Variants in ADGRB3 observed in about 807,000 individuals in gnomAD.
ADGRB3 encodes the protein adhesion G protein-coupled receptor B3.
A neutral mutation model predicts 193.4 loss-of-function variants in ADGRB3; 37 were observed. The ratio of observed to expected loss-of-function variants is 0.19; its 90% CI spans 0.15 to 0.25. The LOEUF (loss-of-function observed/expected upper bound fraction) is 0.25. Ranked by LOEUF, ADGRB3 falls within the 10% of genes least tolerant of loss-of-function variation. ADGRB3 has a pLI of 1.00. For missense variants in ADGRB3, 1,637 were observed against 1,852.9 expected (o/e 0.88, Z 2.14); for synonymous variants, 690 against 644.2 (o/e 1.07, Z -1.08).
chr6:68,756,542 C>T (rs771813795), intron 3 of ADGRB3, among the ~76,000 whole-genome samples: 8 of 151,934 alleles, frequency 5.3e-5, no homozygotes, highest in South Asian at 2.1e-4. Context: ...GATAAAATGA[C>T]GATGGATTAT....
chr6:69,009,342 G>A (rs761318971), intron 11 of ADGRB3, among the ~76,000 whole-genome samples: 1 of 152,048 alleles, frequency 6.6e-6, no homozygotes, highest in Non-Finnish European at 1.5e-5. Flanking sequence ...GGCCTTTTGA[G>A]GAAATTGCAT....
chr6:69,115,836 G>A (rs930654687), intron 17 of ADGRB3, among the ~76,000 whole-genome samples: 8 of 152,110 alleles, frequency 5.3e-5, no homozygotes, highest in Non-Finnish European at 1.0e-4. Context: ...GCTGGCATAT[G>A]AGTTAAAATA....
rs1562064102 is a variant in ADGRB3, at chr6:68,868,940, T to TGTGA, written c.758-61618_758-61617insTGAG. Among the ~76,000 whole-genome samples, 35 of 150,414 alleles carry TGTGA rather than the reference T, an allele frequency of 2.3e-4. 1 individual carries two copies. The highest frequency in any genetic ancestry group is 2.1e-3 in the Admixed American group (31 of 14,998). ...GTGTGTGTGTGTGTGTGTGTGTGTG[T>TGTGA]GAGTGTGTGTGTTTAAACTTAATCT... On this transcript the variant is annotated intron_variant, in intron 3 of 31. Transcript: ENST00000370598.
At chr6:68,826,960 G>T (rs1648970874) in intron 3 of ADGRB3, among the ~76,000 whole-genome samples, 1 of 152,108 alleles carries the variant, frequency 6.6e-6, no homozygotes, top group South Asian at 2.1e-4. Context: ...CCTAGTGTAG[G>T]TTTCAAACAG....
chr6:69,208,654 C>G (rs1439302181), intron 17 of ADGRB3, among the ~76,000 whole-genome samples: 2 of 152,164 alleles, frequency 1.3e-5, no homozygotes, highest in Non-Finnish European at 2.9e-5. Flanking sequence ...CCTCTGTCAA[C>G]TGATCATAGG....
intron 3 of ADGRB3, among the ~76,000 whole-genome samples, chr6:68,887,382 T>C (rs1384011840): frequency 1.3e-5 from 2 of 152,088 alleles, no homozygotes; most frequent in African/African-American, 2.4e-5. Context: ...TAGGTAAACA[T>C]TATTTTATGT....
intron 12 of ADGRB3, among the ~76,000 whole-genome samples, chr6:69,017,607 A>C (rs1373638554): frequency 6.6e-6 from 1 of 151,918 alleles, no homozygotes; most frequent in East Asian, 1.9e-4. Flanking sequence ...ATGTTGAAAA[A>C]ATCACTTGGA....
Position 68,782,752 on chromosome 6 carries a change from T to A in ADGRB3, c.757+143320T>A, listed in dbSNP as rs562688180. On this transcript the variant is annotated intron_variant, in intron 3 of 31. Transcript: ENST00000370598. ...TGATGAGCATTTTTTCATGTGTTTT[T>A]TGGCTGCATAAATGTCTTCTTTTGA... 2.3e-3 allele frequency among the ~76,000 whole-genome samples: 355 copies of A among 152,302 alleles called. 1 individual carries two copies. Among genetic ancestry groups the A allele is most frequent in the African/African-American group, 8.1e-3 (335 of 41,568 alleles).
chr6:68,858,323 A>G (rs904218394), intron 3 of ADGRB3, among the ~76,000 whole-genome samples: 3 of 151,874 alleles, frequency 2.0e-5, no homozygotes, highest in Admixed American at 6.6e-5. Context: ...GCCAACATAG[A>G]GAAACCCCAT....
intron 26 of ADGRB3, among the ~76,000 whole-genome samples, chr6:69,345,539 C>T (rs1051190644): frequency 1.1e-4 from 16 of 152,114 alleles, no homozygotes; most frequent in South Asian, 2.1e-4. Flanking sequence ...AAAAGGCCTT[C>T]GATAAAATTC....
At chr6:69,367,691 C>G (rs940874335) in intron 29 of ADGRB3, among the ~76,000 whole-genome samples, 3 of 151,978 alleles carry the variant, frequency 2.0e-5, no homozygotes, top group Non-Finnish European at 2.9e-5. Flanking sequence ...ATGACACATG[C>G]ACACGTATGT....
At chr6:69,048,013 A>G (rs534308607) in intron 13 of ADGRB3, among the ~76,000 whole-genome samples, 172 bp from the exon 14 acceptor site, 2 of 152,322 alleles carry the variant, frequency 1.3e-5, no homozygotes, top group South Asian at 4.1e-4. Context: ...AAATTCAGCA[A>G]CTTTAATGAG....
At chr6:69,095,141 G>A (rs945051288) in intron 17 of ADGRB3, among the ~76,000 whole-genome samples, 1 of 152,098 alleles carries the variant, frequency 6.6e-6, no homozygotes, top group Non-Finnish European at 1.5e-5. Context: ...ATTTTCTGTA[G>A]GTTGCTTTTT....
chr6:69,121,277 AC>A (rs1403050644), intron 17 of ADGRB3, among the ~76,000 whole-genome samples: 2 of 152,018 alleles, frequency 1.3e-5, no homozygotes, highest in Non-Finnish European at 2.9e-5. Context: ...AATCCATTTA[AC>A]CCTGAGTTGA....
At chr6:68,929,811 A>G (rs1490719495) in intron 3 of ADGRB3, among the ~76,000 whole-genome samples, 2 of 152,042 alleles carry the variant, frequency 1.3e-5, no homozygotes, top group Non-Finnish European at 2.9e-5. Context: ...TCTTTCTTCC[A>G]TTTGTTCCCG....
At chr6:69,293,627 T>A (rs535904698) in intron 20 of ADGRB3, among the ~76,000 whole-genome samples, 31 of 152,302 alleles carry the variant, frequency 2.0e-4, no homozygotes, top group African/African-American at 7.0e-4. Flanking sequence ...TGCATTCACA[T>A]GGACACTACA....
intron 3 of ADGRB3, among the ~76,000 whole-genome samples, chr6:68,706,103 T>C (rs1019882362): frequency 2.6e-5 from 4 of 152,088 alleles, no homozygotes; most frequent in African/African-American, 7.2e-5. Flanking sequence ...GGTTGAAAGG[T>C]CTAGATGTAG....
intron 16 of ADGRB3, among the ~76,000 whole-genome samples, chr6:69,073,195 G>A (rs906953373): frequency 1.3e-5 from 2 of 152,138 alleles, no homozygotes; most frequent in Non-Finnish European, 2.9e-5. Context: ...GAAAGACAGT[G>A]TTATTATACT....
chr6:69,361,974 T>C (rs1295808537), intron 29 of ADGRB3, among the ~76,000 whole-genome samples: 1 of 151,918 alleles, frequency 6.6e-6, no homozygotes, highest in Non-Finnish European at 1.5e-5. Context: ...AATTACAAAA[T>C]TGGAATATTT....
Sources: allele counts gnomAD v4.1 joint callset (sites outside exome capture counted in the v4.1 genomes callset), GRCh38; gene constraint gnomAD v4.1.1; transcripts MANE v1.5; gene names NCBI Gene and HGNC (gene_info 2026-07-23, HGNC 2026-07-21).